Variants in PLCE1 observed in about 807,000 individuals in gnomAD.
PLCE1 encodes phospholipase C epsilon 1, also known as 1-phosphatidylinositol 4,5-bisphosphate phosphodiesterase epsilon-1.
PLCE1 carries 119 observed loss-of-function variants against 242.8 expected under a neutral mutation model. The observed-to-expected ratio is 0.49, with a 90% CI of 0.42 to 0.57. The LOEUF (loss-of-function observed/expected upper bound fraction) is 0.57, where lower values mean the gene tolerates loss of function less well. Ranked by LOEUF, PLCE1 falls within the 20% of genes least tolerant of loss-of-function variation. PLCE1 has a pLI of 0.00. For synonymous variants in PLCE1, 945 were observed against 1,017.4 expected, an observed-to-expected ratio of 0.93 and a Z score of 1.35; for missense variants, 2,441 against 2,788.8, an observed-to-expected ratio of 0.88 and a Z score of 2.81.
chr10:94,079,837 C>T (rs959395532), intron 2 of PLCE1, among the ~76,000 whole-genome samples: 5 of 152,134 alleles, frequency 3.3e-5, no homozygotes, highest in African/African-American at 7.2e-5. Context: ...TCCTAGCTCT[C>T]GAGGTTTCTC....
At position 94,132,491 on chromosome 10, in the gene PLCE1, A is replaced by G. The variant is rs775291588; in HGVS notation, c.1492+32A>G. The G allele has an allele frequency of 3.8e-5, 60 of 1,588,764 alleles. 1 individual carries two copies. The African/African-American group carries it at 4.7e-4, about 12-fold the overall frequency. Reference sequence around the variant, plus strand: ...CCTGAAATTTCACTTTTAACTTTCTATCTTTGACTACAGAGAAGGATCTAA... The same window carrying G: ...CCTGAAATTTCACTTTTAACTTTCTGTCTTTGACTACAGAGAAGGATCTAA... On this transcript the variant is annotated intron_variant, in intron 3 of 32. Transcript: ENST00000371380.
At chr10:94,144,437 A>C (rs1403193308) in intron 3 of PLCE1, among the ~76,000 whole-genome samples, 1 of 152,170 alleles carries the variant, frequency 6.6e-6, no homozygotes, top group Admixed American at 6.5e-5. Flanking sequence ...AGAGACCTCC[A>C]GTGATTTTGA....
intron 2 of PLCE1, among the ~76,000 whole-genome samples, chr10:94,113,793 T>G (rs945884784): frequency 6.6e-6 from 1 of 152,098 alleles, no homozygotes; most frequent in African/African-American, 2.4e-5. Flanking sequence ...AGGGGATGGA[T>G]AGCTGTCACA....
intron 2 of PLCE1, among the ~76,000 whole-genome samples, chr10:94,048,655 T>A (rs890109894): frequency 4.7e-5 from 7 of 147,692 alleles, no homozygotes; most frequent in South Asian, 2.1e-4. Flanking sequence ...AATATATATA[T>A]GTGCATATAT....
intron 2 of PLCE1, among the ~76,000 whole-genome samples, chr10:94,124,954 A>T (rs1222532733): frequency 6.6e-6 from 1 of 152,228 alleles, no homozygotes; most frequent in Non-Finnish European, 1.5e-5. Context: ...GCCATTTCAT[A>T]TGATTTATAT....
chr10:94,116,098 C>T (rs2046120043), intron 2 of PLCE1, among the ~76,000 whole-genome samples: 1 of 152,180 alleles, frequency 6.6e-6, no homozygotes, highest in Admixed American at 6.5e-5. Flanking sequence ...ATCCTTCCTC[C>T]TGCTCCTTCC....
chr10:94,229,716 C>T (rs756467360), intron 5 of PLCE1, among the ~76,000 whole-genome samples: 2 of 152,162 alleles, frequency 1.3e-5, no homozygotes, highest in Non-Finnish European at 2.9e-5. Flanking sequence ...GACCATAGAA[C>T]CTGGTGATTT....
intron 2 of PLCE1, chr10:94,088,134 A>G (rs1343578416): frequency 6.6e-6 from 1 of 152,264 alleles, no homozygotes; most frequent in African/African-American, 2.4e-5. Context: ...CTAATAGCTT[A>G]CCACTACTTG....
intron 30 of PLCE1, 106 bp downstream of exon 30, chr10:94,322,165 C>T: frequency 9.4e-7 from 1 of 1,062,606 alleles, no homozygotes; most frequent in South Asian, 1.3e-5. Context: ...TCCTCAACAA[C>T]AGGGACCTCA....
chr10:94,084,905 T>C (rs1442184825), intron 2 of PLCE1, among the ~76,000 whole-genome samples: 1 of 152,196 alleles, frequency 6.6e-6, no homozygotes, highest in East Asian at 1.9e-4. Context: ...TTATGTACTT[T>C]AATGGAGAAG....
intron 13 of PLCE1, among the ~76,000 whole-genome samples, chr10:94,259,376 C>T (rs999474683): frequency 1.3e-5 from 2 of 152,038 alleles, no homozygotes; most frequent in Non-Finnish European, 2.9e-5. Flanking sequence ...CTCCACCTCC[C>T]GGGTTCAATT....
intron 7 of PLCE1, among the ~76,000 whole-genome samples, chr10:94,237,357 G>C (rs2050359741): frequency 6.6e-6 from 1 of 152,262 alleles, no homozygotes. Context: ...CTTTTACTGA[G>C]TGTCAGACCC....
At chr10:94,299,503 G>C (rs1265969387) in intron 24 of PLCE1, among the ~76,000 whole-genome samples, 3 of 152,184 alleles carry the variant, frequency 2.0e-5, no homozygotes, top group Non-Finnish European at 4.4e-5. Context: ...TATGGGGGAG[G>C]AGAGGAGCTA....
intron 5 of PLCE1, among the ~76,000 whole-genome samples, chr10:94,232,686 C>A (rs1362788189): frequency 1.3e-5 from 2 of 152,198 alleles, no homozygotes; most frequent in Non-Finnish European, 2.9e-5. Flanking sequence ...TCCTCACAGG[C>A]CCTTTCTGCT....
chr10:94,240,441 A>G (rs1407313719), intron 7 of PLCE1, among the ~76,000 whole-genome samples: 1 of 152,210 alleles, frequency 6.6e-6, no homozygotes, highest in Non-Finnish European at 1.5e-5. Context: ...CTTATAGTCA[A>G]GGAAGGTGCT....
intron 7 of PLCE1, 105 bp downstream of exon 7, chr10:94,236,225 C>T (rs968326497): frequency 3.5e-6 from 3 of 867,202 alleles, no homozygotes; most frequent in African/African-American, 3.3e-5. Flanking sequence ...CTCATCAAAA[C>T]CTGCCACTTT....
At chr10:94,015,052 C>CT (rs1378167384) in intron 1 of PLCE1, among the ~76,000 whole-genome samples, 4 of 152,202 alleles carry the variant, frequency 2.6e-5, no homozygotes, top group Non-Finnish European at 4.4e-5. Flanking sequence ...CACTGTATGA[C>CT]TTAATCTGTC....
At chr10:94,242,248 C>A (rs538612839) in intron 7 of PLCE1, among the ~76,000 whole-genome samples, 1 of 152,130 alleles carries the variant, frequency 6.6e-6, no homozygotes. Context: ...AGGAAAAGAG[C>A]ATAAAATATC....
At chr10:94,150,958 A>G (rs2047255770) in intron 3 of PLCE1, among the ~76,000 whole-genome samples, 1 of 152,154 alleles carries the variant, frequency 6.6e-6, no homozygotes, top group South Asian at 2.1e-4. Context: ...TGGCAGTCTG[A>G]GCTGTCCATG....
Sources: allele counts gnomAD v4.1 joint callset (sites outside exome capture counted in the v4.1 genomes callset), GRCh38; gene constraint gnomAD v4.1.1; transcripts MANE v1.5; gene names NCBI Gene and HGNC (gene_info 2026-07-23, HGNC 2026-07-21).